Variants in ANKMY1 observed in about 807,000 individuals in gnomAD.
The protein encoded by ANKMY1 is ankyrin repeat and MYND domain containing 1.
ANKMY1 carries 98 observed loss-of-function variants against 102.0 expected under a neutral mutation model. The ratio of observed to expected loss-of-function variants is 0.96; its 90% CI spans 0.82 to 1.14. The LOEUF (loss-of-function observed/expected upper bound fraction) is 1.14, where lower values mean the gene tolerates loss of function less well. Ranked by LOEUF, ANKMY1 falls within the 50% of genes most tolerant of loss-of-function variation. The pLI is 0.00. For missense variants in ANKMY1, 1,330 were observed against 1,347.6 expected (o/e 0.99, Z 0.20); for synonymous variants, 582 against 559.9 (o/e 1.04, Z -0.56).
chr2:240,545,873 T>C lies in ANKMY1; in HGVS notation c.480+7041A>G, dbSNP rs570235265. Among the ~76,000 whole-genome samples the C allele has an allele frequency of 6.6e-5, 10 of 152,286 alleles. No individual in the cohort carries two copies. In the South Asian group the frequency reaches 2.1e-3, roughly 32 times the overall value. On this transcript the variant is annotated intron_variant, in intron 4 of 17. Transcript: ENST00000401804. The stretch of plus-strand genomic sequence containing the variant: ...TACGGGACTATGTGAAAAGACCAAA[T>C]CTACGTCTGATTGGTATACCTGAAA...
chr2:240,475,038 C>T (rs2074762225), downstream of ANKMY1, among the ~76,000 whole-genome samples: 1 of 152,220 alleles, frequency 6.6e-6, no homozygotes, highest in Non-Finnish European at 1.5e-5. Flanking sequence ...TACATTCCCA[C>T]CAGCAATGCA....
At chr2:240,475,713 G>T (rs1174810090), downstream of ANKMY1, among the ~76,000 whole-genome samples, 1 of 151,698 alleles carries the variant, frequency 6.6e-6, no homozygotes, top group Non-Finnish European at 1.5e-5. Context: ...ATTGTATCTT[G>T]CAACTTTAAT....
At chr2:240,475,133 A>C (rs2074769789), downstream of ANKMY1, among the ~76,000 whole-genome samples, 1 of 152,224 alleles carries the variant, frequency 6.6e-6, no homozygotes, top group Admixed American at 6.5e-5. Context: ...GTGAGATGGT[A>C]TCATATTGTG....
intron 15 of ANKMY1, among the ~76,000 whole-genome samples, chr2:240,487,567 G>T (rs1191048436): frequency 6.6e-6 from 1 of 151,628 alleles, no homozygotes. Context: ...CATAGTGCCT[G>T]TACTAGTTTA....
chr2:240,511,541 T>C (rs1233427486), intron 11 of ANKMY1, among the ~76,000 whole-genome samples: 2 of 152,168 alleles, frequency 1.3e-5, no homozygotes, highest in African/African-American at 4.8e-5. Flanking sequence ...CAGAGACACA[T>C]GAGGATGACA....
intron 4 of ANKMY1, among the ~76,000 whole-genome samples, chr2:240,532,782 A>T (rs1390093348): frequency 6.6e-6 from 1 of 152,188 alleles, no homozygotes; most frequent in Non-Finnish European, 1.5e-5. Flanking sequence ...CCCCCTATAT[A>T]TGTCCTCAAA....
intron 9 of ANKMY1, among the ~76,000 whole-genome samples, chr2:240,516,205 T>C (rs1247276669): frequency 2.0e-5 from 3 of 151,820 alleles, no homozygotes; most frequent in Admixed American, 2.0e-4. Flanking sequence ...GGCAATTGTA[T>C]AGTGACCTGT....
intron 12 of ANKMY1, 101 bp downstream of exon 12, chr2:240,509,247 A>AGATG (rs2152144327): frequency 1.0e-6 from 1 of 991,614 alleles, no homozygotes; most frequent in Non-Finnish European, 1.5e-6. Flanking sequence ...ATGGATGGAT[A>AGATG]AATGGCCAAC....
chr2:240,472,142 C>G, the ANKMY1 span, among the ~76,000 whole-genome samples: 20 of 148,862 alleles, frequency 1.3e-4, no homozygotes, highest in Non-Finnish European at 2.4e-4. Flanking sequence ...CCATCCTTCC[C>G]CAGTCACAGT....
intron 13 of ANKMY1, among the ~76,000 whole-genome samples, chr2:240,505,048 C>CA (rs56217226): frequency 0.34 from 51,882 of 151,728 alleles, 10,035 homozygotes; most frequent in East Asian, 0.74. Context: ...TGGCTACTAT[C>CA]AAAAAAACAG....
intron 4 of ANKMY1, among the ~76,000 whole-genome samples, chr2:240,546,586 A>C (rs1430636393): frequency 6.6e-6 from 1 of 152,186 alleles, no homozygotes; most frequent in Non-Finnish European, 1.5e-5. Flanking sequence ...AAGAGTCAAG[A>C]CCCATCAGTG....
At chr2:240,522,779 G>A (rs4676352) in intron 8 of ANKMY1, 1 of 152,188 alleles carries the variant, frequency 6.6e-6, no homozygotes, top group Admixed American at 6.5e-5. Flanking sequence ...TCACAAAACT[G>A]CGCTGCTAAC....
chr2:240,520,525 T>G lies in ANKMY1; in HGVS notation c.1841A>C (p.Lys614Thr). ...CAGCAGCTTGATGGTCCGCCAGCGC[T>G]TCCTCCGCCTGAAAAAGACGGTGCG... Reference protein sequence around the residue: ...RMALSMIERRKRWRTIKLLLR... With the variant: ...RMALSMIERRTRWRTIKLLLR... The change falls in exon 9 of 18, where the codon AAG (lysine) becomes ACG (threonine). Residue 614 changes from lysine to threonine, a missense_variant. Physicochemically the swap from Lys to Thr is moderately conservative, Grantham distance 78 (BLOSUM62 -1). Coordinates refer to ENST00000401804, the MANE Select transcript of ANKMY1 (RefSeq NM_001282771.3). The surrounding 1 kb of genome is among the most constrained non-coding windows in gnomAD (Gnocchi z 4.8). 6.2e-7 allele frequency: 1 copy of G among 1,611,618 alleles called. No individual in the cohort carries two copies. The highest frequency in any genetic ancestry group is 8.5e-7 in the Non-Finnish European group (1 of 1,178,894).
At position 240,529,678 on chromosome 2, in the gene ANKMY1, G is replaced by C. The variant is rs1465801213; in HGVS notation, c.481-169C>G. Among the ~76,000 whole-genome samples, 1 of 152,238 alleles carries C rather than the reference G, an allele frequency of 6.6e-6. No individual in the cohort carries two copies. Among genetic ancestry groups the C allele is most frequent in the African/African-American group, 2.4e-5 (1 of 41,456 alleles). ...TTAGGCTGTGCCGCCCAGGGACCGA[G>C]GCGGACCAGCTCTCCCGAGGAACAG... On this transcript the variant is annotated intron_variant, in intron 4 of 17. Coordinates refer to ENST00000401804, the MANE Select transcript of ANKMY1 (RefSeq NM_001282771.3). The surrounding 1 kb of genome is among the most constrained non-coding windows in gnomAD (Gnocchi z 4.2).
At chr2:240,498,408 G>A (rs2077563922) in intron 15 of ANKMY1, among the ~76,000 whole-genome samples, 1 of 151,452 alleles carries the variant, frequency 6.6e-6, no homozygotes, top group African/African-American at 2.4e-5. Flanking sequence ...GGTTGGGTGG[G>A]ATGCGGGGAA....
chr2:240,511,740 G>A (rs2080228289), intron 11 of ANKMY1, 121 bp downstream of exon 11: 1 of 1,295,434 alleles, frequency 7.7e-7, no homozygotes, highest in African/African-American at 1.6e-5. Context: ...ATCCTTCCAA[G>A]CTCCCTGGCT....
chr2:240,515,365 C>T (rs780611636), intron 9 of ANKMY1, among the ~76,000 whole-genome samples: 60 of 151,980 alleles, frequency 3.9e-4, no homozygotes, highest in Admixed American at 1.4e-3. Context: ...TGAAACCTCG[C>T]CTCTACTAAA....
Position 240,500,554 on chromosome 2 carries a change from G to A in ANKMY1, c.2538C>T (p.Leu846=). 1 of 1,613,960 alleles carries A rather than the reference G, an allele frequency of 6.2e-7. No homozygotes were observed. Among genetic ancestry groups the A allele is most frequent in the Non-Finnish European group, 8.5e-7 (1 of 1,179,876 alleles). Residue 846 remains leucine, a synonymous_variant, in exon 14 of 18, where the codon CTC becomes CTT. Transcript: ENST00000401804. The part of the protein sequence containing the change: ...MDSKLALIDR[L]ISHGADILKP... Reference sequence around the variant, plus strand: ...TCAGGATGTCGGCCCCGTGACTGATGAGTCGGTCAATCTGTGGAGAACAGA... The same window carrying A: ...TCAGGATGTCGGCCCCGTGACTGATAAGTCGGTCAATCTGTGGAGAACAGA...
At chr2:240,560,056 G>T (rs1033492619), upstream of ANKMY1, 1 of 152,370 alleles carries the variant, frequency 6.6e-6, no homozygotes. Context: ...GAATAGTGTG[G>T]TCTATGAAGA....
Sources: allele counts gnomAD v4.1 joint callset (sites outside exome capture counted in the v4.1 genomes callset), GRCh38; gene constraint gnomAD v4.1.1; non-coding constraint Gnocchi (gnomAD v3.1); transcripts MANE v1.5; gene names NCBI Gene and HGNC (gene_info 2026-07-23, HGNC 2026-07-21).